Variants in IFT74 observed in about 807,000 individuals in gnomAD.
IFT74 encodes intraflagellar transport 74.
Under a neutral mutation model 96.7 loss-of-function variants are expected in IFT74, and 92 were observed. The ratio of observed to expected loss-of-function variants is 0.95; its 90% CI spans 0.80 to 1.13. The LOEUF is 1.13. Ranked by LOEUF, IFT74 falls within the 50% of genes most tolerant of loss-of-function variation. The pLI, the probability that IFT74 is intolerant of heterozygous loss-of-function variation, is 0.00. For missense variants in IFT74, 811 were observed against 698.2 expected (o/e 1.16, Z -1.82); for synonymous variants, 223 against 213.2 (o/e 1.05, Z -0.40).
At chr9:26,970,981 C>T (rs535731008) in intron 2 of IFT74, among the ~76,000 whole-genome samples, 1 of 152,236 alleles carries the variant, frequency 6.6e-6, no homozygotes, top group South Asian at 2.1e-4. Flanking sequence ...TATGGTATTC[C>T]CATTTTATGT....
upstream of IFT74, chr9:26,955,668 T>G (rs1826058125): frequency 6.6e-6 from 1 of 152,162 alleles, no homozygotes; most frequent in Admixed American, 6.5e-5. Flanking sequence ...TTGTATTGAT[T>G]TTTAACTCCT....
intron 8 of IFT74, chr9:26,997,940 A>C (rs762764996): frequency 1.2e-6 from 2 of 1,613,942 alleles, no homozygotes; most frequent in Non-Finnish European, 1.7e-6. Context: ...GTTTTGGCAG[A>C]GATATAACTG....
At chr9:27,014,734 C>G (rs1245547568) in intron 10 of IFT74, among the ~76,000 whole-genome samples, 1 of 152,082 alleles carries the variant, frequency 6.6e-6, no homozygotes, top group East Asian at 1.9e-4. Context: ...CTCAGCCTCC[C>G]GAGTAGTGGG....
chr9:26,980,107 T>A (rs1827305385), intron 3 of IFT74, among the ~76,000 whole-genome samples: 1 of 152,202 alleles, frequency 6.6e-6, no homozygotes, highest in African/African-American at 2.4e-5. Context: ...TTTCTCACAT[T>A]GAGTAATGTC....
At chr9:27,026,566 A>G (rs1405210901) in intron 12 of IFT74, among the ~76,000 whole-genome samples, 1 of 152,224 alleles carries the variant, frequency 6.6e-6, no homozygotes, top group Non-Finnish European at 1.5e-5. Flanking sequence ...GACAGACCAT[A>G]TGATAGGCCA....
rs747509539 is a variant in IFT74 at position 26,998,109 on chromosome 9, A to G, written c.587+7914A>G. 3.7e-6 allele frequency: 6 copies of G among 1,613,166 alleles called. No individual in the cohort carries two copies. The highest frequency in any genetic ancestry group is 4.2e-6 in the Non-Finnish European group (5 of 1,179,468). On this transcript the variant is annotated intron_variant, in intron 8 of 19. Transcript: ENST00000380062. ...AAATAGAGCTCTGTGAGTAAAAAGT[A>G]TGTCTGTAGAACTCTTGTGTCTGTA...
At chr9:26,972,529 G>T (rs1297595881) in intron 2 of IFT74, among the ~76,000 whole-genome samples, 9 of 152,118 alleles carry the variant, frequency 5.9e-5, no homozygotes, top group Admixed American at 2.6e-4. Context: ...GGGAAGATAG[G>T]GCTAGAACAG....
intron 10 of IFT74, among the ~76,000 whole-genome samples, chr9:27,014,610 A>T (rs547898041): frequency 8.6e-5 from 13 of 150,700 alleles, no homozygotes; most frequent in Non-Finnish European, 1.6e-4. Flanking sequence ...CTTTCTTTTT[A>T]AAAAAAAAAA....
intron 13 of IFT74, among the ~76,000 whole-genome samples, chr9:27,042,246 A>G (rs1819514743): frequency 6.6e-6 from 1 of 152,208 alleles, no homozygotes; most frequent in Admixed American, 6.5e-5. Context: ...CTTAAACCAC[A>G]AGAATGTATG....
chr9:27,026,288 C>T (rs376790355), intron 12 of IFT74, among the ~76,000 whole-genome samples: 7 of 152,100 alleles, frequency 4.6e-5, no homozygotes, highest in South Asian at 2.1e-4. Flanking sequence ...TATCACAGTA[C>T]TAAATCTATA....
chr9:26,971,705 A>G (rs1826886035), intron 2 of IFT74, among the ~76,000 whole-genome samples: 5 of 152,178 alleles, frequency 3.3e-5, no homozygotes, highest in Admixed American at 3.3e-4. Flanking sequence ...CATGTACAAT[A>G]GCTATCTCTT....
intron 16 of IFT74, among the ~76,000 whole-genome samples, chr9:27,049,554 G>C (rs1309077913): frequency 2.0e-5 from 3 of 152,090 alleles, no homozygotes; most frequent in Non-Finnish European, 2.9e-5. Flanking sequence ...AGAGGTTGAG[G>C]CCTAGTTGAG....
intron 8 of IFT74, among the ~76,000 whole-genome samples, chr9:26,999,263 GC>G (rs745898911): frequency 7.2e-5 from 11 of 152,014 alleles, no homozygotes; most frequent in Non-Finnish European, 1.6e-4. Context: ...TACTGTTTTT[GC>G]AGTTAGATTT....
rs565258574 is a variant in IFT74, at chr9:27,065,347, A to G, written c.*2611A>G. Reference sequence around the variant, plus strand: ...GATAGAACTGGAGGCTAATAGCTGCATGAACTGGCTCTTCCTGAGTCAGTC... The same window carrying G: ...GATAGAACTGGAGGCTAATAGCTGCGTGAACTGGCTCTTCCTGAGTCAGTC... On this transcript the variant is annotated 3_prime_UTR_variant, in exon 20 of 20. Transcript: ENST00000380062. Among the ~76,000 whole-genome samples the G allele has an allele frequency of 6.6e-6, 1 of 152,288 alleles. No individual in the cohort carries two copies. The highest frequency in any genetic ancestry group is 2.4e-5 in the African/African-American group (1 of 41,564).
chr9:26,961,276 G>C (rs910961344), intron 1 of IFT74, among the ~76,000 whole-genome samples: 3 of 151,952 alleles, frequency 2.0e-5, no homozygotes, highest in South Asian at 2.1e-4. Flanking sequence ...ATTTTTAGTA[G>C]AGACGGGGTT....
chr9:27,058,862 T>G (rs1221959397), intron 18 of IFT74, among the ~76,000 whole-genome samples: 1 of 152,240 alleles, frequency 6.6e-6, no homozygotes, highest in African/African-American at 2.4e-5. Context: ...TATTCTGTTC[T>G]ACTTCATATG....
At chr9:26,999,619 T>C (rs757094631) in intron 8 of IFT74, 6 of 1,594,648 alleles carry the variant, frequency 3.8e-6, no homozygotes, top group Non-Finnish European at 5.1e-6. Context: ...CTTACTCTTT[T>C]AGAAGACTGG....
chr9:26,995,196 C>T (rs937711239), intron 8 of IFT74: 3 of 177,906 alleles, frequency 1.7e-5, no homozygotes, highest in Admixed American at 1.7e-4. Context: ...ATGTCAAATA[C>T]CTGTGTTAAT....
chr9:27,016,521 AG>A (rs1829351876), intron 10 of IFT74, among the ~76,000 whole-genome samples: 1 of 152,236 alleles, frequency 6.6e-6, no homozygotes, highest in African/African-American at 2.4e-5. Context: ...TGACCTATTT[AG>A]GGAAAAATAT....
Sources: allele counts gnomAD v4.1 joint callset (sites outside exome capture counted in the v4.1 genomes callset), GRCh38; gene constraint gnomAD v4.1.1; transcripts MANE v1.5; gene names NCBI Gene and HGNC (gene_info 2026-07-23, HGNC 2026-07-21).